GNAI1: variants seen among roughly 807,000 people sequenced by gnomAD.
The protein encoded by GNAI1 is G protein subunit alpha i1.
A neutral mutation model predicts 38.9 loss-of-function variants in GNAI1; 11 were observed. That is an observed-to-expected ratio of 0.28 (90% CI 0.18 to 0.47). GNAI1 has a LOEUF of 0.47. Ranked by LOEUF, GNAI1 falls within the 20% of genes least tolerant of loss-of-function variation. The pLI, the probability that GNAI1 is intolerant of heterozygous loss-of-function variation, is 0.99. For synonymous variants in GNAI1, 166 were observed against 145.1 expected, an observed-to-expected ratio of 1.14 and a Z score of -1.04; for missense variants, 317 against 436.9, an observed-to-expected ratio of 0.73 and a Z score of 2.45.
At chr7:80,164,016 C>G (rs1170579053) in intron 1 of GNAI1, among the ~76,000 whole-genome samples, 1 of 123,302 alleles carries the variant, frequency 8.1e-6, no homozygotes, top group East Asian at 2.2e-4. Context: ...TGTCACCAGG[C>G]TTCTTTGTCA....
At chr7:80,157,056 T>A (rs1489765577) in intron 1 of GNAI1, among the ~76,000 whole-genome samples, 1 of 152,206 alleles carries the variant, frequency 6.6e-6, no homozygotes, top group Non-Finnish European at 1.5e-5. Flanking sequence ...TATCCAGCAT[T>A]ATAGAATCAC....
chr7:80,151,441 G>A (rs1025812289), intron 1 of GNAI1, among the ~76,000 whole-genome samples: 7 of 151,796 alleles, frequency 4.6e-5, no homozygotes, highest in South Asian at 2.1e-4. Context: ...AACCAATAGA[G>A]TTCTCATTAA....
chr7:80,170,809 G>C (rs1002535790), intron 1 of GNAI1, among the ~76,000 whole-genome samples: 1 of 152,164 alleles, frequency 6.6e-6, no homozygotes, highest in Non-Finnish European at 1.5e-5. Flanking sequence ...AATTTGTCAT[G>C]AGATTTGGCT....
intron 1 of GNAI1, among the ~76,000 whole-genome samples, chr7:80,181,159 G>A (rs566549001): frequency 1.3e-3 from 204 of 151,980 alleles, no homozygotes; most frequent in Admixed American, 2.6e-3. Flanking sequence ...TTGTTTGCTG[G>A]TTTATCTATA....
intron 1 of GNAI1, among the ~76,000 whole-genome samples, chr7:80,142,350 C>T (rs1392775666): frequency 1.3e-5 from 2 of 152,186 alleles, no homozygotes; most frequent in Non-Finnish European, 2.9e-5. Flanking sequence ...TCTTACATGT[C>T]ATATTGAACC....
chr7:80,150,379 A>G (rs556615677), intron 1 of GNAI1, among the ~76,000 whole-genome samples: 1 of 152,346 alleles, frequency 6.6e-6, no homozygotes, highest in South Asian at 2.1e-4. Flanking sequence ...GAAGTGCTAT[A>G]CGGAGATAGT....
intron 1 of GNAI1, among the ~76,000 whole-genome samples, chr7:80,151,113 A>T (rs1237621116): frequency 6.6e-6 from 1 of 152,188 alleles, no homozygotes; most frequent in Non-Finnish European, 1.5e-5. Context: ...CCCTTGCCAC[A>T]GTATGAGAAC....
chr7:80,142,055 A>G (rs867948626), intron 1 of GNAI1, among the ~76,000 whole-genome samples: 10 of 152,060 alleles, frequency 6.6e-5, no homozygotes, highest in Non-Finnish European at 1.3e-4. Flanking sequence ...CATGCTTCTC[A>G]CTTCGTTCTG....
intron 1 of GNAI1, among the ~76,000 whole-genome samples, chr7:80,174,249 C>T (rs991418504): frequency 2.6e-5 from 4 of 151,996 alleles, no homozygotes; most frequent in African/African-American, 9.7e-5. Flanking sequence ...GAAGTAAAAA[C>T]ACACTACTCC....
At chr7:80,210,310 C>G (rs1788850984) in intron 5 of GNAI1, among the ~76,000 whole-genome samples, 1 of 151,970 alleles carries the variant, frequency 6.6e-6, no homozygotes, top group African/African-American at 2.4e-5. Context: ...GAATTTTTTT[C>G]ATTCTAAATT....
intron 1 of GNAI1, among the ~76,000 whole-genome samples, chr7:80,149,867 A>G (rs1228722222): frequency 6.6e-6 from 1 of 152,166 alleles, no homozygotes; most frequent in African/African-American, 2.4e-5. Flanking sequence ...TACAAACTAA[A>G]GTAGAGAAGA....
chr7:80,198,927 G>T (rs554612205), intron 3 of GNAI1, among the ~76,000 whole-genome samples: 3 of 152,166 alleles, frequency 2.0e-5, no homozygotes, highest in African/African-American at 7.2e-5. Context: ...CAAACTGTCA[G>T]TGGATAATTG....
chr7:80,174,660 A>G (rs1390958797), intron 1 of GNAI1, among the ~76,000 whole-genome samples: 1 of 151,156 alleles, frequency 6.6e-6, no homozygotes, highest in Non-Finnish European at 1.5e-5. Context: ...ATGTTTATAT[A>G]TTTGTTTATA....
chr7:80,206,872 A>G (rs555292485), intron 5 of GNAI1, among the ~76,000 whole-genome samples: 20 of 152,172 alleles, frequency 1.3e-4, no homozygotes, highest in African/African-American at 4.8e-4. Flanking sequence ...AATCATAGCA[A>G]CGTACTATAA....
At chr7:80,142,094 G>A (rs576411356) in intron 1 of GNAI1, among the ~76,000 whole-genome samples, 7 of 151,972 alleles carry the variant, frequency 4.6e-5, no homozygotes, top group Non-Finnish European at 7.4e-5. Flanking sequence ...CATTAACATC[G>A]TATTTCTATT....
At chr7:80,182,196 T>A (rs1050638836) in intron 1 of GNAI1, among the ~76,000 whole-genome samples, 3 of 152,232 alleles carry the variant, frequency 2.0e-5, no homozygotes, top group Non-Finnish European at 4.4e-5. Flanking sequence ...TTTTTAAGGC[T>A]GAATAATATT....
chr7:80,164,080 C>G (rs1237279900), intron 1 of GNAI1, among the ~76,000 whole-genome samples: 2 of 124,060 alleles, frequency 1.6e-5, no homozygotes, highest in South Asian at 2.8e-4. Flanking sequence ...GAGTCTCTCT[C>G]TGTCACCAGG....
At chr7:80,168,089 C>G (rs1788041439) in intron 1 of GNAI1, among the ~76,000 whole-genome samples, 1 of 152,112 alleles carries the variant, frequency 6.6e-6, no homozygotes, top group Non-Finnish European at 1.5e-5. Flanking sequence ...TAGCGCTATC[C>G]TTTTTGAGAA....
chr7:80,218,736 T>C lies in GNAI1; in HGVS notation c.*1243T>C, dbSNP rs1374109089. The stretch of plus-strand genomic sequence containing the variant: ...TCTTTTTCAATTATACTATTATTTC[T>C]GAGAATGAAATGGACGATTACACTT... On this transcript the variant is annotated 3_prime_UTR_variant, in exon 8 of 8. Transcript: ENST00000649796. 1 of 152,190 alleles carries C rather than the reference T, an allele frequency of 6.6e-6. No individual in the cohort carries two copies. Among genetic ancestry groups the C allele is most frequent in the East Asian group, 1.9e-4 (1 of 5,202 alleles). The allele number at this position is 152,190 out of a possible 1,614,324, so 9.4% of individuals were successfully genotyped here.
Sources: gnomAD v4.1 joint callset for allele counts (sites outside exome capture counted in the v4.1 genomes callset) on GRCh38, gnomAD v4.1.1 for gene constraint, MANE v1.5 for transcripts, NCBI Gene and HGNC (gene_info 2026-07-23, HGNC 2026-07-21) for gene names.